C6orf141: variants seen among roughly 807,000 people sequenced by gnomAD.
The protein encoded by C6orf141 is chromosome 6 open reading frame 141.
For missense variants in C6orf141, 361 were observed against 335.8 expected (o/e 1.07, Z -0.59); for synonymous variants, 164 against 140.5 (o/e 1.17, Z -1.18).
chr6:49,557,361 A>G (rs997044925), intron 4 of C6orf141, among the ~76,000 whole-genome samples: 5 of 152,204 alleles, frequency 3.3e-5, no homozygotes, highest in African/African-American at 1.2e-4. Context: ...GCTTGCTATA[A>G]TAAGAGAGTC....
At chr6:49,560,517 C>T (rs536983376) in intron 4 of C6orf141, 1 of 152,100 alleles carries the variant, frequency 6.6e-6, no homozygotes, top group Non-Finnish European at 1.5e-5. Context: ...AAAAGTCTTT[C>T]TGCTTTCTTT....
chr6:49,561,188 C>A (rs1432634897), intron 4 of C6orf141, among the ~76,000 whole-genome samples: 2 of 151,956 alleles, frequency 1.3e-5, no homozygotes, highest in African/African-American at 4.8e-5. Flanking sequence ...ACCTCTGCCT[C>A]CTGGGTTCAA....
intron 4 of C6orf141, among the ~76,000 whole-genome samples, chr6:49,558,958 C>T (rs959653459): frequency 3.3e-5 from 5 of 151,504 alleles, no homozygotes; most frequent in Admixed American, 2.0e-4. Context: ...CCACCTGCCT[C>T]GGCCTCCCAA....
At chr6:49,559,167 T>C (rs1464532586) in intron 4 of C6orf141, among the ~76,000 whole-genome samples, 11 of 288 alleles carry the variant, frequency 0.038, no homozygotes, top group African/African-American at 0.053. Context: ...TCATTGTCCA[T>C]ATATATATAT....
Position 49,551,841 on chromosome 6 carries a change from T to C in C6orf141, c.*314T>C. ...GCATTTTGGAATAACTCTCAATTGA[T>C]CTCTTTTCTGTTCCCCGCCCCCCTC... On this transcript the variant is annotated 3_prime_UTR_variant, in exon 1 of 1. Coordinates refer to ENST00000529246, the MANE Select transcript of C6orf141 (RefSeq NM_001145652.2). The C allele has an allele frequency of 8.3e-7, 1 of 1,199,108 alleles. No individual in the cohort carries two copies. The highest frequency in any genetic ancestry group is 1.0e-6 in the Non-Finnish European group (1 of 953,236). The allele number at this position is 1,199,108 out of a possible 1,614,324, so 74.3% of individuals were successfully genotyped here.
chr6:49,559,064 C>T (rs1282384511), intron 4 of C6orf141, among the ~76,000 whole-genome samples: 1 of 150,852 alleles, frequency 6.6e-6, no homozygotes, highest in African/African-American at 2.4e-5. Flanking sequence ...GAGCAGAAGA[C>T]ATACAGCACA....
chr6:49,555,579 G>A (rs1019242833), downstream of C6orf141, among the ~76,000 whole-genome samples: 5 of 135,070 alleles, frequency 3.7e-5, no homozygotes, highest in African/African-American at 8.2e-5. Context: ...CGCAATCTTC[G>A]CTCACTGCAA....
chr6:49,550,760 G>C lies in C6orf141; in HGVS notation c.-33G>C. ...CCGCGCTTTCCGGAGCTCAGCAGGC[G>C]CTTGCTGCTTGAACCGGTCAAAGAA... On this transcript the variant is annotated 5_prime_UTR_variant, in exon 1 of 1. Coordinates refer to ENST00000529246, the MANE Select transcript of C6orf141 (RefSeq NM_001145652.2). 1 of 1,433,420 alleles carries C rather than the reference G, an allele frequency of 7.0e-7. No individual in the cohort carries two copies. The highest frequency in any genetic ancestry group is 9.2e-7 in the Non-Finnish European group (1 of 1,091,418). 88.8% of individuals were successfully genotyped at this position (1,433,420 alleles called of 1,614,324 possible). A position where few individuals can be genotyped will look rare whatever the true frequency, so the allele number is the denominator to read the frequency against.
At position 49,551,161 on chromosome 6, in the gene C6orf141, C is replaced by T. The variant is rs191682924; in HGVS notation, c.369C>T (p.Asp123=). 1.7e-3 allele frequency: 2,665 copies of T among 1,551,646 alleles called. 43 individuals are homozygous for T. In the African/African-American group the frequency reaches 0.032, roughly 19 times the overall value. The change falls in exon 1 of 1, where the codon GAC becomes GAT. Residue 123 remains aspartate, a synonymous_variant. Coordinates refer to ENST00000529246, the MANE Select transcript of C6orf141 (RefSeq NM_001145652.2). ...AEDLPHAGGE[D]HGEEPNYPSV... is the part of the protein sequence containing the mutation. The stretch of plus-strand genomic sequence containing the variant: ...ACCTTCCTCATGCGGGTGGAGAGGA[C>T]CACGGCGAGGAGCCCAACTACCCTT...
intron 4 of C6orf141, among the ~76,000 whole-genome samples, chr6:49,559,503 G>T (rs1772842420): frequency 6.6e-6 from 1 of 151,960 alleles, no homozygotes; most frequent in Non-Finnish European, 1.5e-5. Flanking sequence ...GTCTGCATAA[G>T]TCCACCTAGG....
At chr6:49,555,077 G>A (rs1432776374), downstream of C6orf141, 1 of 152,150 alleles carries the variant, frequency 6.6e-6, no homozygotes, top group Non-Finnish European at 1.5e-5. Context: ...GTGTTAGGTG[G>A]ATGAACCGCA....
chr6:49,551,503 T>A lies in C6orf141; in HGVS notation c.711T>A (p.Thr237=), dbSNP rs1181826928. ...GGAGGGTTTCACCGTCTCCAGGGACTTGGCTCGAGGAAATTAAACTCTAAT... is the reference window on the plus strand; with the variant it reads ...GGAGGGTTTCACCGTCTCCAGGGACATGGCTCGAGGAAATTAAACTCTAAT... ...AGRRVSPSPG[T]WLEEIKL is the part of the protein sequence containing the mutation. Residue 237 remains threonine (T), a synonymous_variant, in exon 1 of 1, where the codon ACT becomes ACA. Transcript: ENST00000529246. The A allele has an allele frequency of 1.9e-6, 3 of 1,551,180 alleles. No homozygotes were observed. In the African/African-American group the frequency reaches 4.1e-5, roughly 21 times the overall value.
chr6:49,556,906 GT>G (rs1171504666), downstream of C6orf141, among the ~76,000 whole-genome samples: 1 of 152,216 alleles, frequency 6.6e-6, no homozygotes, highest in Non-Finnish European at 1.5e-5. Context: ...TTAAGACTTG[GT>G]TATCTTCAAA....
intron 4 of C6orf141, among the ~76,000 whole-genome samples, chr6:49,559,955 T>C (rs1461173736): frequency 6.6e-6 from 1 of 152,196 alleles, no homozygotes; most frequent in Non-Finnish European, 1.5e-5. Flanking sequence ...GGGTTTATCC[T>C]ACAGTCTTTC....
In C6orf141 at chr6:49,550,892, C is replaced by A. The variant is rs1770280295; in HGVS notation, c.100C>A (p.Arg34=). The A allele has an allele frequency of 6.6e-7, 1 of 1,510,584 alleles. No homozygotes were observed. The highest frequency in any genetic ancestry group is 8.8e-7 in the Non-Finnish European group (1 of 1,131,758). The allele number at this position is 1,510,584 out of a possible 1,614,324, so 93.6% of individuals were successfully genotyped here. A position where few individuals can be genotyped will look rare whatever the true frequency, so the allele number is the denominator to read the frequency against. The change falls in exon 1 of 1, where the codon CGG becomes AGG. Residue 34 remains arginine, a synonymous_variant. Transcript: ENST00000529246. ...RSLGDLGPFP[R]EVGRGAPLAP... ...CCTGGGGGACCTCGGGCCTTTTCCG[C>A]GGGAGGTAGGGCGCGGGGCTCCGCT...
rs1015394271 is a variant in C6orf141 at position 49,551,165 on chromosome 6, G to C, written c.373G>C (p.Gly125Arg). 16 of 1,551,504 alleles carry C rather than the reference G, an allele frequency of 1.0e-5. No homozygotes were observed. Among genetic ancestry groups the C allele is most frequent in the Non-Finnish European group, 1.4e-5 (16 of 1,146,966 alleles). ...TCCTCATGCGGGTGGAGAGGACCAC[G>C]GCGAGGAGCCCAACTACCCTTCTGT... The part of the protein sequence containing the change: ...DLPHAGGEDH[G>R]EEPNYPSVFQ... Residue 125 changes from glycine to arginine, a missense_variant, in exon 1 of 1, where the codon GGC becomes CGC. Transcript: ENST00000529246.
At chr6:49,556,732 A>G (rs1164509124), downstream of C6orf141, among the ~76,000 whole-genome samples, 2 of 152,194 alleles carry the variant, frequency 1.3e-5, no homozygotes, top group African/African-American at 4.8e-5. Flanking sequence ...CTTGAACACC[A>G]TGACATCTCT....
At chr6:49,554,841 G>A (rs1375986471), downstream of C6orf141, 2 of 152,134 alleles carry the variant, frequency 1.3e-5, no homozygotes, top group Non-Finnish European at 2.9e-5. Context: ...GAAACAAAAA[G>A]TAGTAAGTCC....
chr6:49,559,536 A>G (rs540724466), intron 4 of C6orf141, among the ~76,000 whole-genome samples: 2 of 152,104 alleles, frequency 1.3e-5, no homozygotes, highest in East Asian at 3.9e-4. Context: ...TCTAGTGGTC[A>G]CTGGGGTTAT....
Sources: gnomAD v4.1 joint callset for allele counts (sites outside exome capture counted in the v4.1 genomes callset) on GRCh38, gnomAD v4.1.1 for gene constraint, MANE v1.5 for transcripts, NCBI Gene and HGNC (gene_info 2026-07-23, HGNC 2026-07-21) for gene names.